CREM: variants seen among roughly 807,000 people sequenced by gnomAD.
CREM encodes cAMP responsive element modulator.
A neutral mutation model predicts 37.3 loss-of-function variants in CREM; 13 were observed. That is an observed-to-expected ratio of 0.35 (90% CI 0.23 to 0.55). The LOEUF (loss-of-function observed/expected upper bound fraction) is 0.55. CREM is among the 20% of genes least tolerant of loss of function. The pLI, the probability that CREM is intolerant of heterozygous loss-of-function variation, is 0.88. For synonymous variants in CREM, 124 were observed against 120.2 expected (o/e 1.03, Z -0.21); for missense variants, 296 against 362.3 (o/e 0.82, Z 1.49).
intron 6 of CREM, among the ~76,000 whole-genome samples, chr10:35,201,877 G>C (rs2095395474): frequency 6.6e-6 from 1 of 152,152 alleles, no homozygotes. Flanking sequence ...AAGAAAGACT[G>C]CTTATTTTAA....
intron 6 of CREM, among the ~76,000 whole-genome samples, chr10:35,189,425 C>G (rs529326969): frequency 2.0e-5 from 3 of 152,266 alleles, no homozygotes; most frequent in Admixed American, 1.3e-4. Flanking sequence ...TAATTGAATT[C>G]TATTCCTCTT....
chr10:35,210,656 A>G (rs1164186433), intron 7 of CREM: 1 of 152,042 alleles, frequency 6.6e-6, no homozygotes, highest in Non-Finnish European at 1.5e-5. Flanking sequence ...AGCACTGTCC[A>G]TTTCATTTCG....
chr10:35,189,504 G>A (rs199638914), intron 6 of CREM, among the ~76,000 whole-genome samples: 44 of 121,798 alleles, frequency 3.6e-4, no homozygotes, highest in East Asian at 2.5e-3. Context: ...TTGTTTGTTT[G>A]TTTATTTATT....
At chr10:35,171,620 T>G (rs1436826227) in intron 3 of CREM, among the ~76,000 whole-genome samples, 2 of 152,232 alleles carry the variant, frequency 1.3e-5, no homozygotes, top group Non-Finnish European at 2.9e-5. Context: ...TCTTTGAAGC[T>G]GGGCATTTCC....
chr10:35,188,172 C>T, intron 5 of CREM, 28 bp from the exon 6 acceptor site: 1 of 1,582,066 alleles, frequency 6.3e-7, no homozygotes, highest in Non-Finnish European at 8.6e-7. Context: ...TTGAAATTCT[C>T]TAATATTTCT....
At chr10:35,190,628 G>C (rs972670100) in intron 6 of CREM, among the ~76,000 whole-genome samples, 1 of 151,766 alleles carries the variant, frequency 6.6e-6, no homozygotes, top group African/African-American at 2.4e-5. Context: ...AATAGTAGTA[G>C]TAATAATAAT....
At chr10:35,203,195 G>A (rs1172487486) in intron 6 of CREM, among the ~76,000 whole-genome samples, 1 of 151,804 alleles carries the variant, frequency 6.6e-6, no homozygotes, top group Admixed American at 6.6e-5. Context: ...ACAGACGCAC[G>A]CCACCACACC....
At chr10:35,166,327 C>T (rs1011812275) in intron 3 of CREM, among the ~76,000 whole-genome samples, 1 of 152,042 alleles carries the variant, frequency 6.6e-6, no homozygotes, top group African/African-American at 2.4e-5. Context: ...CTTTGGGAGG[C>T]CAAGGCGGGT....
At chr10:35,197,476 G>A (rs927677267) in intron 6 of CREM, among the ~76,000 whole-genome samples, 2 of 145,946 alleles carry the variant, frequency 1.4e-5, no homozygotes, top group Non-Finnish European at 3.0e-5. Flanking sequence ...TTTATGAGAC[G>A]GAGTCTCGCT....
At chr10:35,179,361 AATTGTTCC>A in intron 5 of CREM, 85 bp downstream of exon 5, 1 of 1,496,164 alleles carries the variant, frequency 6.7e-7, no homozygotes, top group Non-Finnish European at 9.0e-7. Context: ...TTTGGCATTA[AATTGTTCC>A]ATTTTAAAAT....
intron 6 of CREM, chr10:35,195,861 C>T (rs1771447937): frequency 1.7e-6 from 1 of 580,384 alleles, no homozygotes. Context: ...TTGACGTCAG[C>T]TCCGAGTCAT....
rs551126729 is a variant in CREM, at chr10:35,178,171, ATGT to A, written c.169-712_169-710del. Among the ~76,000 whole-genome samples the A allele has an allele frequency of 1.3e-4, 20 of 152,360 alleles. No individual in the cohort carries two copies. In the South Asian group the frequency reaches 3.9e-3, roughly 30 times the overall value. On this transcript the variant is annotated intron_variant, in intron 3 of 7. Transcript: ENST00000685392. Reference sequence around the variant, plus strand: ...TTGACTGAATATATCAAAATCAGTCATGTTGTTGAAGAGATTCATTATTTTAGT... The same window carrying A: ...TTGACTGAATATATCAAAATCAGTCATGTTGAAGAGATTCATTATTTTAGT...
At chr10:35,151,649 C>T (rs2092607133) in intron 3 of CREM, among the ~76,000 whole-genome samples, 1 of 152,236 alleles carries the variant, frequency 6.6e-6, no homozygotes, top group Non-Finnish European at 1.5e-5. Flanking sequence ...GCTGGGATTA[C>T]TGGTGTGAGC....
At chr10:35,211,196 C>T in intron 7 of CREM, 58 bp from the exon 8 acceptor site, 3 of 1,582,500 alleles carry the variant, frequency 1.9e-6, no homozygotes, top group Non-Finnish European at 2.6e-6. Flanking sequence ...TGCACTGACC[C>T]ACTGTGGATT....
intron 6 of CREM, among the ~76,000 whole-genome samples, chr10:35,197,725 G>A (rs2095252157): frequency 6.6e-6 from 1 of 152,128 alleles, no homozygotes; most frequent in South Asian, 2.1e-4. Context: ...CCAAAGTGCT[G>A]GGATTACAGG....
chr10:35,164,797 C>T (rs1185759892), intron 3 of CREM, among the ~76,000 whole-genome samples: 2 of 152,172 alleles, frequency 1.3e-5, no homozygotes, highest in Non-Finnish European at 2.9e-5. Flanking sequence ...TGCCTGTAAT[C>T]CCAGCACTTT....
chr10:35,189,585 G>T (rs558059877), intron 6 of CREM, among the ~76,000 whole-genome samples: 29 of 152,062 alleles, frequency 1.9e-4, no homozygotes, highest in South Asian at 8.3e-4. Flanking sequence ...GCGCGATCTC[G>T]GCTCACTGCG....
intron 5 of CREM, among the ~76,000 whole-genome samples, chr10:35,182,864 C>G (rs144389706): frequency 1.2e-4 from 18 of 152,236 alleles, no homozygotes; most frequent in African/African-American, 4.3e-4. Flanking sequence ...CGAAGAAAGT[C>G]TTTTATTTCA....
chr10:35,196,859 T>A (rs540660194), intron 6 of CREM, among the ~76,000 whole-genome samples: 1 of 144,098 alleles, frequency 6.9e-6, no homozygotes, highest in East Asian at 2.0e-4. Context: ...GTGAAAACGC[T>A]GTGTACTTTT....
Sources: allele counts gnomAD v4.1 joint callset (sites outside exome capture counted in the v4.1 genomes callset), GRCh38; gene constraint gnomAD v4.1.1; transcripts MANE v1.5; gene names NCBI Gene and HGNC (gene_info 2026-07-23, HGNC 2026-07-21).